MTOR: variants seen among roughly 807,000 people sequenced by gnomAD.
The protein encoded by MTOR is mechanistic target of rapamycin kinase, also known as serine/threonine-protein kinase mTOR.
A neutral mutation model predicts 319.8 loss-of-function variants in MTOR; 70 were observed. The observed-to-expected ratio is 0.22, with a 90% CI of 0.18 to 0.27. The LOEUF (loss-of-function observed/expected upper bound fraction) is 0.27, where lower values mean the gene tolerates loss of function less well. Among genes scored for constraint, MTOR ranks in the 10% least tolerant of loss-of-function variants. The pLI is 1.00. For missense variants in MTOR, 1,890 were observed against 3,274.4 expected, an observed-to-expected ratio of 0.58 and a Z score of 10.32; for synonymous variants, 1,183 against 1,211.4, an observed-to-expected ratio of 0.98 and a Z score of 0.49.
At chr1:11,117,624 A>G (rs1642239617) in intron 49 of MTOR, among the ~76,000 whole-genome samples, 1 of 152,210 alleles carries the variant, frequency 6.6e-6, no homozygotes, top group African/African-American at 2.4e-5. Context: ...GTTTAAGGAT[A>G]TCCCCTTATG....
intron 19 of MTOR, among the ~76,000 whole-genome samples, chr1:11,219,869 CA>C (rs1557438563): frequency 6.7e-6 from 1 of 150,256 alleles, no homozygotes; most frequent in African/African-American, 2.4e-5. Flanking sequence ...ATTGAAAATG[CA>C]AAAAACAAAA....
rs1463184901 is a variant in MTOR at position 11,121,992 on chromosome 1, C to T, written c.6797G>A (p.Arg2266His). 2.5e-6 allele frequency: 4 copies of T among 1,614,000 alleles called. No individual in the cohort carries two copies. Among genetic ancestry groups the T allele is most frequent in the Non-Finnish European group, 3.4e-6 (4 of 1,179,938 alleles). The change falls in exon 48 of 58, where the codon CGC becomes CAC. Residue 2266 changes from arginine (R) to histidine (H), a missense_variant. Physicochemically the swap from Arg to His is conservative, Grantham distance 29. Around this residue, in one of 15 missense-constraint regions of MTOR, gnomAD observed 249 missense variants for 596.2 expected, o/e 0.42. Coordinates refer to ENST00000361445, the MANE Select transcript of MTOR (RefSeq NM_004958.4). The surrounding 1 kb of genome is among the most constrained non-coding windows in gnomAD (Gnocchi z 4.9). ...CGCATCACATACCCGCAACATGATG[C>T]GATGCTCGATGTTGAGAAGGATCTT... is the stretch of plus-strand genomic sequence containing the variant. ...KKKILLNIEH[R>H]IMLRMAPDYD...
chr1:11,255,455 A>G (rs1268882039), intron 5 of MTOR, among the ~76,000 whole-genome samples: 2 of 151,556 alleles, frequency 1.3e-5, no homozygotes, highest in Non-Finnish European at 2.9e-5. Flanking sequence ...TTGCATTCTT[A>G]GTCATACATA....
intron 14 of MTOR, 33 bp from the exon 15 acceptor site, chr1:11,233,520 G>T: frequency 6.6e-7 from 1 of 1,526,278 alleles, no homozygotes; most frequent in South Asian, 1.1e-5. Context: ...AATGAATGCA[G>T]ATTAGACTCT....
chr1:11,154,848 TA>T (rs71568315), intron 30 of MTOR, among the ~76,000 whole-genome samples: 3,171 of 143,424 alleles, frequency 0.022, 90 homozygotes, highest in African/African-American at 0.069. Flanking sequence ...TCCTGCCTCT[TA>T]AAAAAAAAAA....
chr1:11,106,654 T>C lies in MTOR; in HGVS notation c.*831A>G. On this transcript the variant is annotated 3_prime_UTR_variant, in exon 58 of 58. Coordinates refer to ENST00000361445, the MANE Select transcript of MTOR (RefSeq NM_004958.4). Reference sequence around the variant, plus strand: ...AGTTGAGTATTTGTTCTGCTCATAATTTCCAATATGTACCAGACCTTCCCT... The same window carrying C: ...AGTTGAGTATTTGTTCTGCTCATAACTTCCAATATGTACCAGACCTTCCCT... The C allele has an allele frequency of 9.0e-7, 1 of 1,105,078 alleles. No homozygotes were observed. The allele number at this position is 1,105,078 out of a possible 1,614,324, so 68.5% of individuals were successfully genotyped here.
Position 11,240,355 on chromosome 1 carries a change from A to T in MTOR, c.1734T>A (p.Asp578Glu). 1 of 1,612,344 alleles carries T rather than the reference A, an allele frequency of 6.2e-7. No individual in the cohort carries two copies. Among genetic ancestry groups the T allele is most frequent in the Non-Finnish European group, 8.5e-7 (1 of 1,179,124 alleles). ...PGLTTLPEAS[D>E]VGSITLALRT... ...GGAGGGCAAGAGTGATGCTGCCCAC[A>T]TCGCTGGCCTCAGGGAGGGTCGTGA... The change falls in exon 11 of 58, where the codon GAT (aspartate) becomes GAA (glutamate). Residue 578 changes from aspartate to glutamate, a missense_variant. Transcript: ENST00000361445.
chr1:11,255,844 C>T, intron 5 of MTOR, 148 bp downstream of exon 5: 1 of 600,342 alleles, frequency 1.7e-6, no homozygotes, highest in Non-Finnish European at 2.5e-6. Flanking sequence ...AAGACTCCAT[C>T]ACAAAAAAAA....
At chr1:11,116,961 C>A in intron 50 of MTOR, 43 bp downstream of exon 50, 1 of 1,441,056 alleles carries the variant, frequency 6.9e-7, no homozygotes, top group Non-Finnish European at 9.6e-7. Context: ...AGGAAAACTA[C>A]AATGGAGAAA....
At chr1:11,202,036 C>A (rs1645986691) in intron 26 of MTOR, among the ~76,000 whole-genome samples, 1 of 152,138 alleles carries the variant, frequency 6.6e-6, no homozygotes, top group Admixed American at 6.5e-5. Context: ...GAACTCTTGG[C>A]CTCAAGTGAT....
intron 19 of MTOR, among the ~76,000 whole-genome samples, chr1:11,222,411 A>G (rs2100829900): frequency 6.6e-6 from 1 of 152,160 alleles, no homozygotes; most frequent in Non-Finnish European, 1.5e-5. Flanking sequence ...GTTAGCCAGG[A>G]TGGTCTTGAT....
intron 19 of MTOR, among the ~76,000 whole-genome samples, chr1:11,223,194 G>T (rs1337315658): frequency 6.6e-6 from 1 of 150,706 alleles, no homozygotes; most frequent in Non-Finnish European, 1.5e-5. Flanking sequence ...TAAGTAGAGG[G>T]AAAAGGTAAA....
At chr1:11,126,137 C>T (rs1642825808) in intron 46 of MTOR, among the ~76,000 whole-genome samples, 1 of 152,056 alleles carries the variant, frequency 6.6e-6, no homozygotes, top group African/African-American at 2.4e-5. Context: ...AACACTCTAC[C>T]CCAAGGGAAA....
chr1:11,234,860 T>C (rs887321582), intron 13 of MTOR, among the ~76,000 whole-genome samples: 2 of 151,928 alleles, frequency 1.3e-5, no homozygotes, highest in African/African-American at 2.4e-5. Context: ...CTGACATCCT[T>C]AGGACACCAG....
chr1:11,170,675 CTTTTCTTTTTTTT>C (rs952772435), intron 28 of MTOR, among the ~76,000 whole-genome samples: 3 of 150,700 alleles, frequency 2.0e-5, no homozygotes, highest in African/African-American at 4.9e-5. Flanking sequence ...CAATCCTATC[CTTTTCTTTTTTTT>C]TTTTCTTTTT....
chr1:11,257,977 G>T (rs1400309614), intron 3 of MTOR, among the ~76,000 whole-genome samples: 1 of 152,036 alleles, frequency 6.6e-6, no homozygotes, highest in Non-Finnish European at 1.5e-5. Flanking sequence ...GGGCATGGTG[G>T]CAGGTGCCTG....
rs779962719 is a variant in MTOR, at chr1:11,128,593, G to GA, written c.5812-42dup. On this transcript the variant is annotated intron_variant, in intron 41 of 57. Transcript: ENST00000361445. This position sits in a 1 kb window ranked among gnomAD's most constrained non-coding sequence, Gnocchi z 5.3. Reference sequence around the variant, plus strand: ...ACACAGTATGTAGCATATGAGACTTGAAACAACTAGTTATTCTTCTAGGCA... The same window carrying GA: ...ACACAGTATGTAGCATATGAGACTTGAAAACAACTAGTTATTCTTCTAGGCA... 14 of 1,549,942 alleles carry GA rather than the reference G, an allele frequency of 9.0e-6. No individual in the cohort carries two copies. The highest frequency in any genetic ancestry group is 1.8e-6 in the Non-Finnish European group (2 of 1,122,280).
At chr1:11,144,558 G>A (rs1643863474) in intron 34 of MTOR, 90 bp downstream of exon 34, 1 of 1,066,326 alleles carries the variant, frequency 9.4e-7, no homozygotes. Flanking sequence ...AAAGCAAGTT[G>A]AGTAAGAGCC....
At chr1:11,228,969 T>A (rs2100857745) in intron 18 of MTOR, 51 bp from the exon 19 acceptor site, 1 of 1,599,866 alleles carries the variant, frequency 6.3e-7, no homozygotes, top group African/African-American at 1.3e-5. Flanking sequence ...ATGACGTGAC[T>A]TCAGGCAGAG....
Sources: allele counts gnomAD v4.1 joint callset (sites outside exome capture counted in the v4.1 genomes callset), GRCh38; gene constraint gnomAD v4.1.1; regional missense constraint gnomAD v4.1.1; non-coding constraint Gnocchi (gnomAD v3.1); transcripts MANE v1.5; gene names NCBI Gene and HGNC (gene_info 2026-07-23, HGNC 2026-07-21).